Variants in LRP1 observed in about 807,000 individuals in gnomAD.
LRP1 encodes prolow-density lipoprotein receptor-related protein 1.
A neutral mutation model predicts 541.5 loss-of-function variants in LRP1; 51 were observed. The ratio of observed to expected loss-of-function variants is 0.09; its 90% CI spans 0.08 to 0.12. LRP1 has a LOEUF of 0.12. LRP1 is among the 10% of genes least tolerant of loss of function. The pLI, the probability that LRP1 is intolerant of heterozygous loss-of-function variation, is 1.00. For missense variants in LRP1, 3,878 were observed against 6,376.2 expected, an observed-to-expected ratio of 0.61 and a Z score of 13.34; for synonymous variants, 2,219 against 2,470.8, an observed-to-expected ratio of 0.90 and a Z score of 3.02.
At position 57,193,976 on chromosome 12, in the gene LRP1, G is replaced by C. The variant is rs1385589191; in HGVS notation, c.7882G>C (p.Val2628Leu). The C allele has an allele frequency of 6.2e-7, 1 of 1,614,264 alleles. No individual in the cohort carries two copies. The highest frequency in any genetic ancestry group is 1.7e-5 in the Admixed American group (1 of 60,024). ...IGNSSRCNQF[V>L]DCEDASDEMN... Reference sequence around the variant, plus strand: ...GAACTCCAGCCGCTGCAACCAGTTTGTGGATTGTGAGGACGCCTCAGATGA... The same window carrying C: ...GAACTCCAGCCGCTGCAACCAGTTTCTGGATTGTGAGGACGCCTCAGATGA... Residue 2628 changes from valine to leucine, a missense_variant, in exon 48 of 89, where the codon GTG becomes CTG. Val to Leu is a conservative substitution (Grantham distance 32, BLOSUM62 1). This residue lies in a region of LRP1 where 1,100 missense variants were observed against 1,827.4 expected (regional missense o/e 0.60). Coordinates refer to ENST00000243077, the MANE Select transcript of LRP1 (RefSeq NM_002332.3).
chr12:57,175,759 A>G, intron 23 of LRP1, 54 bp downstream of exon 23: 3 of 1,551,346 alleles, frequency 1.9e-6, no homozygotes, highest in South Asian at 1.2e-5. Flanking sequence ...TCTGAGCTGC[A>G]GTGGGTTGGG....
In LRP1 at chr12:57,162,215, A is replaced by G. The variant is rs2035749814; in HGVS notation, c.2203-102A>G. Reference sequence around the variant, plus strand: ...AGGCTAATGGGGGAAACAAAGCAAAACCCATGCCCAGGACATAGACAAATG... The same window carrying G: ...AGGCTAATGGGGGAAACAAAGCAAAGCCCATGCCCAGGACATAGACAAATG... On this transcript the variant is annotated intron_variant, in intron 13 of 88. Coordinates refer to ENST00000243077, the MANE Select transcript of LRP1 (RefSeq NM_002332.3). This position sits in a 1 kb window ranked among gnomAD's most constrained non-coding sequence, Gnocchi z 5.2. The G allele has an allele frequency of 9.5e-7, 1 of 1,057,928 alleles. No individual in the cohort carries two copies. The highest frequency in any genetic ancestry group is 1.5e-6 in the Non-Finnish European group (1 of 686,248). 65.5% of individuals were successfully genotyped at this position (1,057,928 alleles called of 1,614,324 possible). A position where few individuals can be genotyped will look rare whatever the true frequency, so the allele number is the denominator to read the frequency against.
intron 17 of LRP1, 26 bp from the exon 18 acceptor site, chr12:57,166,904 T>C (rs1182056047): frequency 8.4e-7 from 1 of 1,195,560 alleles, no homozygotes; most frequent in Admixed American, 1.7e-5. Flanking sequence ...GGACAATGAG[T>C]ACTCACACCC....
Position 57,189,974 on chromosome 12 carries a change from G to GC in LRP1, c.7032-825dup, listed in dbSNP as rs2036344966. On this transcript the variant is annotated intron_variant, in intron 42 of 88. Transcript: ENST00000243077. This position sits in a 1 kb window ranked among gnomAD's most constrained non-coding sequence, Gnocchi z 4.4. ...ATGACCAGCCCTGAGGCCTTCCACA[G>GC]CCCCCCTCCAGCCTCAGCACCACCC... is the stretch of plus-strand genomic sequence containing the variant. 1.3e-5 allele frequency among the ~76,000 whole-genome samples: 2 copies of GC among 152,122 alleles called. No individual in the cohort carries two copies. The highest frequency in any genetic ancestry group is 1.5e-5 in the Non-Finnish European group (1 of 68,006).
At chr12:57,168,101 A>G (rs1375634910) in intron 19 of LRP1, 1 of 154,828 alleles carries the variant, frequency 6.5e-6, no homozygotes, top group African/African-American at 2.4e-5. Flanking sequence ...GTGTGAGCGG[A>G]TGTGTTGGGT....
rs750921157 is a variant in LRP1, at chr12:57,194,018, T to A, written c.7918+6T>A. 6.2e-7 allele frequency: 1 copy of A among 1,612,702 alleles called. No homozygotes were observed. Among genetic ancestry groups the A allele is most frequent in the South Asian group, 1.1e-5 (1 of 91,038 alleles). On this transcript the variant is annotated splice_donor_region_variant and intron_variant, in intron 48 of 88. Transcript: ENST00000243077. ...CTCAGATGAGATGAACTGCAGTGAG[T>A]GACGCCCTTTGCTGGCACCTCCTGG...
intron 44 of LRP1, among the ~76,000 whole-genome samples, chr12:57,192,545 C>T (rs950089464): frequency 6.6e-5 from 10 of 152,188 alleles, no homozygotes; most frequent in Non-Finnish European, 4.4e-5. Context: ...GGGCTCACTA[C>T]TGCACCCGTG....
rs1195209456 is a variant in LRP1, at chr12:57,201,212, C to T, written c.10345+59C>T. On this transcript the variant is annotated intron_variant, in intron 65 of 88. Coordinates refer to ENST00000243077, the MANE Select transcript of LRP1 (RefSeq NM_002332.3). This position sits in a 1 kb window ranked among gnomAD's most constrained non-coding sequence, Gnocchi z 6.4. ...GGAGATGACACGGAAGCAGGGCAGG[C>T]AGAATCTCCCCACAGCTTTGAGAGG... 4 of 1,605,946 alleles carry T rather than the reference C, an allele frequency of 2.5e-6. No homozygotes were observed. Among genetic ancestry groups the T allele is most frequent in the Non-Finnish European group, 2.6e-6 (3 of 1,174,200 alleles).
chr12:57,207,024 G>A (rs1342529538), intron 76 of LRP1, among the ~76,000 whole-genome samples: 1 of 152,120 alleles, frequency 6.6e-6, no homozygotes, highest in East Asian at 1.9e-4. Flanking sequence ...GGTGGATCAC[G>A]AGGTCAGGAG....
chr12:57,192,397 C>T (rs964686651), intron 44 of LRP1, among the ~76,000 whole-genome samples: 2 of 152,170 alleles, frequency 1.3e-5, no homozygotes, highest in African/African-American at 2.4e-5. Flanking sequence ...CCTACCCTCA[C>T]CCTGGTCACT....
Position 57,208,127 on chromosome 12 carries a change from G to T in LRP1, c.11949G>T (p.Glu3983Asp), listed in dbSNP as rs146923187. The change falls in exon 77 of 89, where the codon GAG becomes GAT. Residue 3983 changes from glutamate to aspartate, a missense_variant. Glu to Asp is a conservative substitution (Grantham distance 45, BLOSUM62 2). This residue lies in a region of LRP1 where 871 missense variants were observed against 1,212.4 expected (regional missense o/e 0.72). Coordinates refer to ENST00000243077, the MANE Select transcript of LRP1 (RefSeq NM_002332.3). Reference sequence around the variant, plus strand: ...CCGACTCGGGCCGAGATGTGATTGAGGTGGCGCAGATGAAGGGCGAGAACC... The same window carrying T: ...CCGACTCGGGCCGAGATGTGATTGATGTGGCGCAGATGAAGGGCGAGAACC... ...YWTDSGRDVI[E>D]VAQMKGENRK... is the part of the protein sequence containing the mutation. 191 of 1,614,110 alleles carry T rather than the reference G, an allele frequency of 1.2e-4. 1 individual carries two copies. The highest frequency in any genetic ancestry group is 1.6e-4 in the Non-Finnish European group (183 of 1,180,058).
At chr12:57,199,189 G>T in intron 60 of LRP1, 23 bp from the exon 61 acceptor site, 4 of 1,608,956 alleles carry the variant, frequency 2.5e-6, no homozygotes, top group South Asian at 2.2e-5. Flanking sequence ...GACTGGCACT[G>T]TGCCTGCCCC....
In LRP1 at chr12:57,199,860, G is replaced by A. The variant is rs766492867; in HGVS notation, c.9866-17G>A. The A allele has an allele frequency of 3.6e-5, 56 of 1,574,236 alleles. No homozygotes were observed. The highest frequency in any genetic ancestry group is 4.4e-5 in the Non-Finnish European group (51 of 1,162,614). On this transcript the variant is annotated splice_polypyrimidine_tract_variant and intron_variant, in intron 61 of 88. Transcript: ENST00000243077. ...GCCAGAAAATGTCACCATATTTCAC[G>A]ACGTTTTCTCTGGCAGTGCCCAATC... is the stretch of plus-strand genomic sequence containing the variant.
intron 20 of LRP1, among the ~76,000 whole-genome samples, chr12:57,170,679 G>T (rs774203354): frequency 6.6e-6 from 1 of 152,166 alleles, no homozygotes; most frequent in Middle Eastern, 3.4e-3. Flanking sequence ...AAATTAGCTG[G>T]GCATGGAGGC....
chr12:57,138,685 C>G (rs2035224982), intron 2 of LRP1, 104 bp downstream of exon 2: 4 of 1,464,508 alleles, frequency 2.7e-6, no homozygotes, highest in Non-Finnish European at 3.7e-6. Flanking sequence ...TGATGTGGAC[C>G]TTGCTCAGTG....
chr12:57,179,463 C>T lies in LRP1; in HGVS notation c.4873C>T (p.Arg1625Cys), dbSNP rs779705427. Reference sequence around the variant, plus strand: ...CGTCACAGTGCTAGACTACGATGCCCGCGAGCAGCGTGTGTACTGGTCTGA... The same window carrying T: ...CGTCACAGTGCTAGACTACGATGCCTGCGAGCAGCGTGTGTACTGGTCTGA... ...DNVTVLDYDA[R>C]EQRVYWSDVR... The change falls in exon 29 of 89, where the codon CGC (arginine) becomes TGC (cysteine). Residue 1625 changes from arginine to cysteine, a missense_variant. Around this residue, in one of 13 missense-constraint regions of LRP1, gnomAD observed 394 missense variants for 635.9 expected, o/e 0.62. Transcript: ENST00000243077. This position sits in a 1 kb window ranked among gnomAD's most constrained non-coding sequence, Gnocchi z 6.8. The T allele has an allele frequency of 1.2e-5, 19 of 1,614,104 alleles. No homozygotes were observed. The highest frequency in any genetic ancestry group is 3.3e-5 in the South Asian group (3 of 91,092).
Position 57,185,856 on chromosome 12 carries a change from G to A in LRP1, c.6789G>A (p.Gly2263=), listed in dbSNP as rs1203412553. The change falls in exon 41 of 89, where the codon GGG becomes GGA. Residue 2263 remains glycine, a synonymous_variant. Transcript: ENST00000243077. The surrounding 1 kb of genome is among the most constrained non-coding windows in gnomAD (Gnocchi z 4.9). ...TCTTCTTCAGCGACATCCACTTTGG[G>A]AACATCCAACAGATCAACGACGATG... is the stretch of plus-strand genomic sequence containing the variant. ...NRIFFSDIHF[G]NIQQINDDGS... 1 of 1,614,004 alleles carries A rather than the reference G, an allele frequency of 6.2e-7. No homozygotes were observed. Among genetic ancestry groups the A allele is most frequent in the Non-Finnish European group, 8.5e-7 (1 of 1,180,028 alleles).
intron 55 of LRP1, among the ~76,000 whole-genome samples, chr12:57,196,702 G>C (rs1258327998): frequency 6.6e-6 from 1 of 152,228 alleles, no homozygotes; most frequent in Non-Finnish European, 1.5e-5. Flanking sequence ...GAAGTGAGGG[G>C]ACCAGCAGAA....
chr12:57,143,264 G>C (rs898852544), intron 3 of LRP1, among the ~76,000 whole-genome samples: 2 of 152,156 alleles, frequency 1.3e-5, no homozygotes, highest in African/African-American at 2.4e-5. Context: ...GGACAGACAC[G>C]ATTCCATGCC....
Sources: allele counts gnomAD v4.1 joint callset (sites outside exome capture counted in the v4.1 genomes callset), GRCh38; gene constraint gnomAD v4.1.1; regional missense constraint gnomAD v4.1.1; non-coding constraint Gnocchi (gnomAD v3.1); transcripts MANE v1.5; gene names NCBI Gene and HGNC (gene_info 2026-07-23, HGNC 2026-07-21).